The following SPOCK3 variants were observed in gnomAD, a reference collection of about 807,000 sequenced individuals.
The protein encoded by SPOCK3 is testican-3.
SPOCK3 carries 30 observed loss-of-function variants against 56.6 expected under a neutral mutation model. The ratio of observed to expected loss-of-function variants is 0.53; its 90% CI spans 0.40 to 0.72. SPOCK3 has a LOEUF of 0.72. SPOCK3 is among the 30% of genes least tolerant of loss of function. The pLI is 0.00. For synonymous variants in SPOCK3, 196 were observed against 183.3 expected, an observed-to-expected ratio of 1.07 and a Z score of -0.56; for missense variants, 527 against 530.0, an observed-to-expected ratio of 0.99 and a Z score of 0.06.
At chr4:167,141,247 CA>C (rs1763504795) in intron 2 of SPOCK3, among the ~76,000 whole-genome samples, 1 of 151,906 alleles carries the variant, frequency 6.6e-6, no homozygotes, top group African/African-American at 2.4e-5. Flanking sequence ...AGATGTTGTA[CA>C]GTCATAAAAA....
At chr4:166,837,825 A>C (rs1157475236) in intron 6 of SPOCK3, among the ~76,000 whole-genome samples, 2 of 151,762 alleles carry the variant, frequency 1.3e-5, no homozygotes, top group Non-Finnish European at 2.9e-5. Context: ...TTTTTTCCAG[A>C]CTTTCCTATA....
In SPOCK3 at chr4:167,119,914, A is replaced by G; in HGVS notation, c.190-57377T>C. On this transcript the variant is annotated intron_variant, in intron 2 of 10. Transcript: ENST00000357545. ...GTTTCAACCAAAAAAGAAAAAAGGA[A>G]AGAAAGAAAGAAAAGAATAAACCCC... 3.7e-6 allele frequency: 5 copies of G among 1,341,642 alleles called. No homozygotes were observed. In the South Asian group the frequency reaches 7.5e-5, roughly 20 times the overall value. 83.1% of individuals were successfully genotyped at this position (1,341,642 alleles called of 1,614,324 possible).
intron 2 of SPOCK3, among the ~76,000 whole-genome samples, chr4:167,155,890 T>C (rs191749344): frequency 6.6e-6 from 1 of 152,204 alleles, no homozygotes; most frequent in Non-Finnish European, 1.5e-5. Context: ...GAAACTCAGA[T>C]GACAAGTTGA....
At chr4:166,854,531 A>T (rs1390922342) in intron 6 of SPOCK3, among the ~76,000 whole-genome samples, 2 of 152,204 alleles carry the variant, frequency 1.3e-5, no homozygotes, top group African/African-American at 2.4e-5. Context: ...GCTATAATTC[A>T]TCTCAAGATT....
chr4:166,781,404 A>C (rs1740150702), intron 7 of SPOCK3, among the ~76,000 whole-genome samples: 1 of 147,868 alleles, frequency 6.8e-6, no homozygotes, highest in South Asian at 2.2e-4. Flanking sequence ...GAGGATGATA[A>C]GGAGAAAGAG....
intron 6 of SPOCK3, among the ~76,000 whole-genome samples, chr4:166,866,419 A>G (rs779199747): frequency 6.6e-6 from 1 of 152,200 alleles, no homozygotes; most frequent in Admixed American, 6.5e-5. Context: ...GCAAAAGCCA[A>G]AATTGACAAA....
At chr4:166,777,741 A>C (rs534814355) in intron 7 of SPOCK3, among the ~76,000 whole-genome samples, 2 of 152,286 alleles carry the variant, frequency 1.3e-5, no homozygotes, top group South Asian at 2.1e-4. Flanking sequence ...TGTCTCAAAA[A>C]AGGTATATAA....
At chr4:167,147,320 C>T (rs961982319) in intron 2 of SPOCK3, among the ~76,000 whole-genome samples, 1 of 152,030 alleles carries the variant, frequency 6.6e-6, no homozygotes, top group Non-Finnish European at 1.5e-5. Flanking sequence ...AATTAATAGC[C>T]TCCCAACCAA....
At chr4:166,920,537 A>C (rs1738368724) in intron 4 of SPOCK3, among the ~76,000 whole-genome samples, 1 of 152,210 alleles carries the variant, frequency 6.6e-6, no homozygotes, top group Admixed American at 6.5e-5. Context: ...TTTTAACCTT[A>C]ACTAGCTTAC....
At position 166,734,926 on chromosome 4, in the gene SPOCK3, T is replaced by C. The variant is rs140017857; in HGVS notation, c.1297A>G (p.Ile433Val). 1.2e-4 allele frequency: 181 copies of C among 1,536,620 alleles called. No homozygotes were observed. Among genetic ancestry groups the C allele is most frequent in the Non-Finnish European group, 1.6e-4 (175 of 1,121,230 alleles). ...TTGATTTCAACTGTCATCAATCAAA[T>C]GTATACATCATGGTCATCACCACCA... Reference protein sequence around the residue: ...DDGGDDHDVYI With the variant: ...DDGGDDHDVYV Residue 433 changes from isoleucine (I) to valine (V), a missense_variant, in exon 11 of 11, where the codon ATT becomes GTT. Coordinates refer to ENST00000357545, the MANE Select transcript of SPOCK3 (RefSeq NM_001040159.2).
At chr4:167,191,794 TCTGG>T (rs1437894429) in intron 2 of SPOCK3, among the ~76,000 whole-genome samples, 2 of 145,276 alleles carry the variant, frequency 1.4e-5, no homozygotes, top group Non-Finnish European at 3.0e-5. Context: ...TGTCTAATGC[TCTGG>T]CTAAGACTTC....
intron 4 of SPOCK3, among the ~76,000 whole-genome samples, chr4:166,963,066 A>G (rs1027162201): frequency 1.3e-5 from 2 of 151,994 alleles, no homozygotes; most frequent in African/African-American, 4.8e-5. Flanking sequence ...CTGCAGTCCA[A>G]GTTTCTCCAA....
At chr4:167,131,586 G>C (rs1762700724) in intron 2 of SPOCK3, among the ~76,000 whole-genome samples, 1 of 152,068 alleles carries the variant, frequency 6.6e-6, no homozygotes, top group African/African-American at 2.4e-5. Context: ...CTGGGCGACA[G>C]AGCAAGACTC....
intron 2 of SPOCK3, among the ~76,000 whole-genome samples, chr4:167,127,342 A>G (rs1762359762): frequency 6.6e-6 from 1 of 152,066 alleles, no homozygotes. Flanking sequence ...CTACTTTCTT[A>G]TATTACAGAA....
chr4:166,968,860 T>C (rs1217448691), intron 4 of SPOCK3, among the ~76,000 whole-genome samples: 1 of 152,064 alleles, frequency 6.6e-6, no homozygotes, highest in East Asian at 1.9e-4. Flanking sequence ...ACCATGCACC[T>C]AGAAAAGCTG....
intron 2 of SPOCK3, among the ~76,000 whole-genome samples, chr4:167,183,284 T>C (rs1401229036): frequency 1.3e-5 from 2 of 152,194 alleles, no homozygotes; most frequent in African/African-American, 2.4e-5. Context: ...CACTGAGTTT[T>C]TAGGTAGCTT....
intron 2 of SPOCK3, among the ~76,000 whole-genome samples, chr4:167,216,548 A>G (rs1735379575): frequency 6.6e-6 from 1 of 152,122 alleles, no homozygotes; most frequent in African/African-American, 2.4e-5. Flanking sequence ...CCCTGACAGG[A>G]TATGCAAGCG....
chr4:166,846,660 T>A (rs74539360), intron 6 of SPOCK3, among the ~76,000 whole-genome samples: 4,132 of 152,214 alleles, frequency 0.027, 90 homozygotes, highest in Non-Finnish European at 0.041. Flanking sequence ...CTGAAATTGG[T>A]ATACTGTAAT....
intron 2 of SPOCK3, among the ~76,000 whole-genome samples, chr4:167,097,663 A>G (rs116329818): frequency 0.012 from 1,869 of 151,982 alleles, 21 homozygotes; most frequent in Non-Finnish European, 0.02. Flanking sequence ...TTACCTAGGT[A>G]GTGAGCCTAT....
Sources: gnomAD v4.1 joint callset for allele counts (sites outside exome capture counted in the v4.1 genomes callset) on GRCh38, gnomAD v4.1.1 for gene constraint, MANE v1.5 for transcripts, NCBI Gene and HGNC (gene_info 2026-07-23, HGNC 2026-07-21) for gene names.